PCNX2: variants seen among roughly 807,000 people sequenced by gnomAD.
The protein encoded by PCNX2 is pecanex-like protein 2.
PCNX2 carries 168 observed loss-of-function variants against 223.8 expected under a neutral mutation model. That is an observed-to-expected ratio of 0.75 (90% CI 0.66 to 0.85). The LOEUF (loss-of-function observed/expected upper bound fraction) is 0.85, where lower values mean the gene tolerates loss of function less well. Among genes scored for constraint, PCNX2 ranks in the 40% least tolerant of loss-of-function variants. PCNX2 has a pLI of 0.00. For missense variants in PCNX2, 2,507 were observed against 2,675.5 expected (o/e 0.94, Z 1.39); for synonymous variants, 1,006 against 1,052.6 (o/e 0.96, Z 0.86).
intron 23 of PCNX2, among the ~76,000 whole-genome samples, chr1:233,081,607 GC>G (rs1212061192): frequency 6.6e-6 from 1 of 152,158 alleles, no homozygotes; most frequent in East Asian, 1.9e-4. Context: ...TTGCAAAGTG[GC>G]CACTCACCAC....
intron 21 of PCNX2, 109 bp downstream of exon 21, chr1:233,134,904 A>G (rs72765712): frequency 0.035 from 33,008 of 936,336 alleles, 777 homozygotes; most frequent in Non-Finnish European, 0.046. Context: ...TCAATTTCAT[A>G]TCCTCCCATA....
In PCNX2 at chr1:233,258,286, T is replaced by G; in HGVS notation, c.1576A>C (p.Arg526=). The G allele has an allele frequency of 6.2e-7, 1 of 1,614,036 alleles. No homozygotes were observed. Among genetic ancestry groups the G allele is most frequent in the Admixed American group, 1.7e-5 (1 of 60,032 alleles). ...PSSCKSSHEK[R]HARVLSVDSG... ...TCCACACTGAGCACCCGGGCATGCC[T>G]CTTTTCATGGCTGGACTTACAAGAC... The change falls in exon 5 of 34, where the codon AGG becomes CGG. Residue 526 remains arginine, a synonymous_variant. Coordinates refer to ENST00000258229, the MANE Select transcript of PCNX2 (RefSeq NM_014801.4).
At chr1:233,200,939 T>G (rs1019841292) in intron 13 of PCNX2, among the ~76,000 whole-genome samples, 1 of 143,246 alleles carries the variant, frequency 7.0e-6, no homozygotes, top group Non-Finnish European at 1.5e-5. Flanking sequence ...GGCAGGAGAA[T>G]GGCGTGAACC....
At position 233,294,700 on chromosome 1, in the gene PCNX2, T is replaced by G. The variant is rs142538879; in HGVS notation, c.153+626A>C. Among the ~76,000 whole-genome samples the G allele has an allele frequency of 1.9e-3, 288 of 152,336 alleles. 1 individual carries two copies. Among genetic ancestry groups the G allele is most frequent in the Admixed American group, 3.0e-3 (46 of 15,308 alleles). ...ATCTATGTAGTTCTTCAGCAAGCAC[T>G]CACTTACCATAACCCCACTAAAATG... On this transcript the variant is annotated intron_variant, in intron 1 of 33. Coordinates refer to ENST00000258229, the MANE Select transcript of PCNX2 (RefSeq NM_014801.4).
intron 1 of PCNX2, among the ~76,000 whole-genome samples, chr1:233,286,607 A>T (rs1661461567): frequency 6.6e-6 from 1 of 152,154 alleles, no homozygotes; most frequent in African/African-American, 2.4e-5. Context: ...CTGGAGGTGG[A>T]CAGAGTATGC....
Position 233,218,021 on chromosome 1 carries a change from G to A in PCNX2, c.2658+10C>T. 1 of 1,611,020 alleles carries A rather than the reference G, an allele frequency of 6.2e-7. No individual in the cohort carries two copies. Among genetic ancestry groups the A allele is most frequent in the Non-Finnish European group, 8.5e-7 (1 of 1,178,634 alleles). On this transcript the variant is annotated intron_variant, in intron 11 of 33. Transcript: ENST00000258229. Reference sequence around the variant, plus strand: ...CACACGCTACTGGTAAGAATTAGATGTGGTCTTGCCTTTAGCAGGGAGTAC... The same window carrying A: ...CACACGCTACTGGTAAGAATTAGATATGGTCTTGCCTTTAGCAGGGAGTAC...
At chr1:233,095,114 C>A (rs866587237) in intron 22 of PCNX2, among the ~76,000 whole-genome samples, 31 of 152,124 alleles carry the variant, frequency 2.0e-4, no homozygotes, top group African/African-American at 7.0e-4. Context: ...CCCACGCGTG[C>A]ACATATATAA....
In PCNX2 at chr1:232,986,418, A is replaced by G; in HGVS notation, c.5914T>C (p.Ser1972Pro). 1 of 1,606,516 alleles carries G rather than the reference A, an allele frequency of 6.2e-7. No homozygotes were observed. Among genetic ancestry groups the G allele is most frequent in the Non-Finnish European group, 8.5e-7 (1 of 1,176,688 alleles). Residue 1972 changes from serine to proline, a missense_variant, in exon 33 of 34, where the codon TCA (serine) becomes CCA (proline). This residue lies in a region of PCNX2 where 1,372 missense variants were observed against 1,509.4 expected (regional missense o/e 0.91). Coordinates refer to ENST00000258229, the MANE Select transcript of PCNX2 (RefSeq NM_014801.4). ...SRQTFLQTST[S>P]VHELAQRLSG... ...AGCCTCTGGGCCAGCTCGTGCACTG[A>G]GGTGGACGTCTGGAGGAATGTTTGG...
chr1:233,171,910 A>C (rs1423291630), intron 17 of PCNX2, among the ~76,000 whole-genome samples: 1 of 151,680 alleles, frequency 6.6e-6, no homozygotes, highest in Non-Finnish European at 1.5e-5. Context: ...TGTTCTGGGT[A>C]CTTTCTTCTC....
intron 19 of PCNX2, among the ~76,000 whole-genome samples, chr1:233,148,419 T>A (rs1677589462): frequency 6.7e-6 from 1 of 150,264 alleles, no homozygotes; most frequent in Admixed American, 6.6e-5. Context: ...TAATTTCACT[T>A]TTTTTCTTTT....
At chr1:233,251,993 C>T (rs945956756) in intron 7 of PCNX2, among the ~76,000 whole-genome samples, 12 of 152,136 alleles carry the variant, frequency 7.9e-5, no homozygotes, top group Non-Finnish European at 7.3e-5. Context: ...GGGGGAAATG[C>T]CATTAATCAA....
At chr1:233,063,361 A>G (rs1465135476) in intron 23 of PCNX2, among the ~76,000 whole-genome samples, 1 of 152,210 alleles carries the variant, frequency 6.6e-6, no homozygotes, top group Non-Finnish European at 1.5e-5. Context: ...AAAAAAGGGA[A>G]AAAAGGTAAA....
chr1:233,138,022 A>G (rs1676907369), intron 20 of PCNX2, among the ~76,000 whole-genome samples: 1 of 152,214 alleles, frequency 6.6e-6, no homozygotes, highest in Non-Finnish European at 1.5e-5. Flanking sequence ...ATACCAATAT[A>G]GAGTTTCCTG....
intron 8 of PCNX2, among the ~76,000 whole-genome samples, chr1:233,248,304 C>CTG (rs1384943442): frequency 6.6e-6 from 1 of 151,864 alleles, no homozygotes; most frequent in African/African-American, 2.4e-5. Context: ...TCGAATCCAG[C>CTG]TGTGTGTGTG....
intron 25 of PCNX2, among the ~76,000 whole-genome samples, chr1:233,043,287 C>T (rs1671707257): frequency 6.6e-6 from 1 of 152,220 alleles, no homozygotes; most frequent in Admixed American, 6.5e-5. Context: ...TCTACCTACA[C>T]AAATGATGGT....
intron 17 of PCNX2, among the ~76,000 whole-genome samples, chr1:233,165,670 A>T (rs1450224968): frequency 1.3e-5 from 2 of 152,206 alleles, no homozygotes; most frequent in Non-Finnish European, 2.9e-5. Flanking sequence ...TGCAAGACGG[A>T]AACCACCTAA....
At chr1:233,312,984 C>T in the PCNX2 span, among the ~76,000 whole-genome samples, 1 of 151,720 alleles carries the variant, frequency 6.6e-6, no homozygotes, top group Non-Finnish European at 1.5e-5. Context: ...CAGTGTCATA[C>T]TAACTCTTGC....
intron 25 of PCNX2, chr1:233,033,145 T>A: frequency 1.0e-6 from 1 of 985,438 alleles, no homozygotes; most frequent in Non-Finnish European, 1.2e-6. Context: ...GGTATTTCCA[T>A]TGAAACTGAC....
chr1:233,232,108 T>C (rs1658097253), intron 9 of PCNX2, among the ~76,000 whole-genome samples: 1 of 152,244 alleles, frequency 6.6e-6, no homozygotes, highest in Non-Finnish European at 1.5e-5. Context: ...TTTTTAAAAG[T>C]AGAATTATCC....
Sources: allele counts gnomAD v4.1 joint callset (sites outside exome capture counted in the v4.1 genomes callset), GRCh38; gene constraint gnomAD v4.1.1; regional missense constraint gnomAD v4.1.1; transcripts MANE v1.5; gene names NCBI Gene and HGNC (gene_info 2026-07-23, HGNC 2026-07-21).